DHRS3: variants seen among roughly 807,000 people sequenced by gnomAD.
DHRS3 encodes the protein dehydrogenase/reductase 3.
Under a neutral mutation model 27.2 loss-of-function variants are expected in DHRS3, and 14 were observed. The ratio of observed to expected loss-of-function variants is 0.52; its 90% confidence interval spans 0.34 to 0.81. The LOEUF is 0.81. Among genes scored for constraint, DHRS3 ranks in the 30% least tolerant of loss-of-function variants. DHRS3 has a pLI of 0.01. For missense variants in DHRS3, 322 were observed against 406.2 expected (o/e 0.79, Z 1.78); for synonymous variants, 165 against 175.9 (o/e 0.94, Z 0.49).
intron 1 of DHRS3, among the ~76,000 whole-genome samples, chr1:12,595,254 C>T (rs901956423): frequency 6.6e-6 from 1 of 152,184 alleles, no homozygotes; most frequent in Admixed American, 6.5e-5. Flanking sequence ...TGACAGCTAA[C>T]GAGCTGCAGC....
At position 12,608,097 on chromosome 1, in the gene DHRS3, G is replaced by A. The variant is rs1251744668; in HGVS notation, c.195+9057C>T. ...TCATCCCGTTGGACAGGCTGGTCTCGAACTCCTGACGTCAAGTGATCTGCC... is the reference window on the plus strand; with the variant it reads ...TCATCCCGTTGGACAGGCTGGTCTCAAACTCCTGACGTCAAGTGATCTGCC... On this transcript the variant is annotated intron_variant, in intron 1 of 5. Transcript: ENST00000616661. The surrounding 1 kb of genome is among the most constrained non-coding windows in gnomAD (Gnocchi z 4.1). 1.3e-5 allele frequency among the ~76,000 whole-genome samples: 2 copies of A among 152,070 alleles called. No homozygotes were observed. The highest frequency in any genetic ancestry group is 2.4e-5 in the African/African-American group (1 of 41,406).
chr1:12,579,553 GC>G, intron 2 of DHRS3, 141 bp from the exon 3 acceptor site: 1 of 1,248,074 alleles, frequency 8.0e-7, no homozygotes, highest in Admixed American at 2.8e-5. Flanking sequence ...TCGGCTCACT[GC>G]CACCTCCGCC....
chr1:12,592,770 G>T lies in DHRS3; in HGVS notation c.196-12104C>A, dbSNP rs1400423367. ...CGAGGCCCAGCCCCAGGCTCCCGAGGCTGGGAAGTGACGGAGGCTGCTTCC... is the reference window on the plus strand; with the variant it reads ...CGAGGCCCAGCCCCAGGCTCCCGAGTCTGGGAAGTGACGGAGGCTGCTTCC... On this transcript the variant is annotated intron_variant, in intron 1 of 5. Coordinates refer to ENST00000616661, the MANE Select transcript of DHRS3 (RefSeq NM_004753.7). The surrounding 1 kb of genome is among the most constrained non-coding windows in gnomAD (Gnocchi z 4.2). 6.6e-6 allele frequency among the ~76,000 whole-genome samples: 1 copy of T among 152,206 alleles called. No homozygotes were observed. The highest frequency in any genetic ancestry group is 2.4e-5 in the African/African-American group (1 of 41,442).
At chr1:12,616,862 G>A in intron 1 of DHRS3, 1 of 1,111,712 alleles carries the variant, frequency 9.0e-7, no homozygotes, top group Non-Finnish European at 1.2e-6. Context: ...CCTTTGGGAG[G>A]CAGGAATGTG....
chr1:12,576,325 G>A (rs1158699985), intron 4 of DHRS3, among the ~76,000 whole-genome samples: 1 of 151,956 alleles, frequency 6.6e-6, no homozygotes, highest in Non-Finnish European at 1.5e-5. Context: ...CACTTTGGGA[G>A]GCCGAGGTGG....
In DHRS3 at chr1:12,578,287, G is replaced by A. The variant is rs756320263; in HGVS notation, c.698+431C>T. 2.8e-4 allele frequency among the ~76,000 whole-genome samples: 42 copies of A among 152,072 alleles called. No individual in the cohort carries two copies. Among genetic ancestry groups the A allele is most frequent in the African/African-American group, 7.3e-4 (30 of 41,340 alleles). ...CAGACCGAGAACCAGGTAAGACAGC[G>A]TCAAACAGAGGGTAGAGGCTCCTTG... On this transcript the variant is annotated intron_variant, in intron 4 of 5. Transcript: ENST00000616661. The surrounding 1 kb of genome is among the most constrained non-coding windows in gnomAD (Gnocchi z 4.5).
intron 1 of DHRS3, among the ~76,000 whole-genome samples, chr1:12,614,014 G>T (rs1055769129): frequency 1.5e-4 from 23 of 151,926 alleles, no homozygotes; most frequent in African/African-American, 5.3e-4. Flanking sequence ...CAAGTGATCC[G>T]CCTGCCTCAG....
In DHRS3 at chr1:12,578,580, A is replaced by G. The variant is rs1051320812; in HGVS notation, c.698+138T>C. Reference sequence around the variant, plus strand: ...GCGATCCACCTGCCTTGGCTTCCCAAAATGCTAGGATTATAGGTATGAGGC... The same window carrying G: ...GCGATCCACCTGCCTTGGCTTCCCAGAATGCTAGGATTATAGGTATGAGGC... On this transcript the variant is annotated intron_variant, in intron 4 of 5. Transcript: ENST00000616661. The surrounding 1 kb of genome is among the most constrained non-coding windows in gnomAD (Gnocchi z 4.5). 1.5e-5 allele frequency: 13 copies of G among 859,206 alleles called. No homozygotes were observed. The highest frequency in any genetic ancestry group is 2.2e-5 in the Non-Finnish European group (12 of 546,838). The allele number at this position is 859,206 out of a possible 1,614,324, so 53.2% of individuals were successfully genotyped here. A position where few individuals can be genotyped will look rare whatever the true frequency, so the allele number is the denominator to read the frequency against.
At chr1:12,570,798 G>T (rs529198140) in intron 5 of DHRS3, among the ~76,000 whole-genome samples, 12 of 152,184 alleles carry the variant, frequency 7.9e-5, no homozygotes, top group African/African-American at 2.4e-4. Flanking sequence ...TCTCAGACCC[G>T]AGGTCAGGAT....
At chr1:12,590,457 T>G (rs564656145) in intron 1 of DHRS3, among the ~76,000 whole-genome samples, 1 of 152,182 alleles carries the variant, frequency 6.6e-6, no homozygotes. Flanking sequence ...ATTACAGGCA[T>G]GCGCCACCAC....
rs878886393 is a variant in DHRS3, at chr1:12,617,181, G to A, written c.168C>T (p.Arg56=). The A allele has an allele frequency of 6.2e-7, 1 of 1,612,510 alleles. No homozygotes were observed. Among genetic ancestry groups the A allele is most frequent in the Non-Finnish European group, 8.5e-7 (1 of 1,179,732 alleles). Residue 56 remains arginine, a synonymous_variant, in exon 1 of 6, where the codon CGC becomes CGT. Coordinates refer to ENST00000616661, the MANE Select transcript of DHRS3 (RefSeq NM_004753.7). ...GGRGIGRQLA[R]EFAERGARKI... ...TTCTGGCGCCGCGCTCCGCGAACTCGCGGGCGAGCTGACGCCCGATGCCTC... is the reference window on the plus strand; with the variant it reads ...TTCTGGCGCCGCGCTCCGCGAACTCACGGGCGAGCTGACGCCCGATGCCTC...
At chr1:12,568,576 AC>A in intron 5 of DHRS3, 152 bp from the exon 6 acceptor site, 1 of 676,354 alleles carries the variant, frequency 1.5e-6, no homozygotes, top group Middle Eastern at 4.2e-4. Flanking sequence ...TTCTCCCCAA[AC>A]CCCCACCCTC....
At chr1:12,615,673 A>C (rs1387936253) in intron 1 of DHRS3, among the ~76,000 whole-genome samples, 1 of 152,188 alleles carries the variant, frequency 6.6e-6, no homozygotes, top group Non-Finnish European at 1.5e-5. Context: ...TGACAATCAC[A>C]TGCAATTGTC....
chr1:12,576,428 G>C (rs1357659332), intron 4 of DHRS3, among the ~76,000 whole-genome samples: 2 of 152,128 alleles, frequency 1.3e-5, no homozygotes, highest in Non-Finnish European at 2.9e-5. Context: ...TGGGCGTGGT[G>C]GTGGGCACCT....
intron 1 of DHRS3, among the ~76,000 whole-genome samples, chr1:12,613,022 T>C (rs536666478): frequency 6.6e-6 from 1 of 151,148 alleles, no homozygotes; most frequent in Non-Finnish European, 1.5e-5. Flanking sequence ...ATCACGCCAT[T>C]GCACTCCAGC....
chr1:12,617,113 C>A (rs779827768), intron 1 of DHRS3, 41 bp downstream of exon 1: 2 of 1,580,900 alleles, frequency 1.3e-6, no homozygotes, highest in African/African-American at 2.7e-5. Flanking sequence ...TTACCCCCGC[C>A]CCTGCGGCCC....
intron 1 of DHRS3, among the ~76,000 whole-genome samples, chr1:12,582,527 C>T (rs1262839568): frequency 6.6e-6 from 1 of 152,196 alleles, no homozygotes; most frequent in Non-Finnish European, 1.5e-5. Context: ...CTCCAAGGGA[C>T]ACTTTCTTGT....
At chr1:12,582,389 AC>A (rs1646651756) in intron 1 of DHRS3, among the ~76,000 whole-genome samples, 1 of 152,200 alleles carries the variant, frequency 6.6e-6, no homozygotes, top group Non-Finnish European at 1.5e-5. Flanking sequence ...TGAAAACCCC[AC>A]TTAGTCTAGC....
intron 1 of DHRS3, among the ~76,000 whole-genome samples, chr1:12,616,154 C>G (rs1320173136): frequency 6.6e-6 from 1 of 152,236 alleles, no homozygotes; most frequent in Non-Finnish European, 1.5e-5. Flanking sequence ...GTATGCGGCT[C>G]CATGTCAGAT....
Sources: gnomAD v4.1 joint callset for allele counts (sites outside exome capture counted in the v4.1 genomes callset) on GRCh38, gnomAD v4.1.1 for gene constraint, Gnocchi (gnomAD v3.1) non-coding constraint, MANE v1.5 for transcripts, NCBI Gene and HGNC (gene_info 2026-07-23, HGNC 2026-07-21) for gene names.